GRIP1: variants seen among roughly 807,000 people sequenced by gnomAD.
GRIP1 encodes the protein glutamate receptor interacting protein 1, also known as glutamate receptor-interacting protein 1.
GRIP1 carries 45 observed loss-of-function variants against 129.9 expected under a neutral mutation model. The observed-to-expected ratio is 0.35, with a 90% CI of 0.27 to 0.44. GRIP1 has a LOEUF of 0.44. Among genes scored for constraint, GRIP1 ranks in the 20% least tolerant of loss-of-function variants. GRIP1 has a pLI of 1.00. For synonymous variants in GRIP1, 530 were observed against 520.8 expected, an observed-to-expected ratio of 1.02 and a Z score of -0.24; for missense variants, 1,196 against 1,396.8, an observed-to-expected ratio of 0.86 and a Z score of 2.29.
At chr12:66,833,037 C>T (rs2039546412) in intron 1 of GRIP1, among the ~76,000 whole-genome samples, 1 of 152,210 alleles carries the variant, frequency 6.6e-6, no homozygotes, top group Admixed American at 6.5e-5. Flanking sequence ...AACCTACCAA[C>T]TTAGGGCAGA....
chr12:66,682,007 GAGA>G (rs1212933159), upstream of GRIP1, among the ~76,000 whole-genome samples: 5 of 152,166 alleles, frequency 3.3e-5, no homozygotes, highest in African/African-American at 1.2e-4. Flanking sequence ...ACTGGTTTCA[GAGA>G]AGGTGTTTTT....
rs375997315 is a variant in GRIP1, at chr12:66,792,846, T to C, written c.-420+11207A>G. On this transcript the variant is annotated intron_variant, in intron 1 of 4. Transcript: ENST00000538373. Reference sequence around the variant, plus strand: ...CTCAAACTGGATAACATAAATTACATAACTTGACACTAAGAGTTCCCTGAC... The same window carrying C: ...CTCAAACTGGATAACATAAATTACACAACTTGACACTAAGAGTTCCCTGAC... 9.2e-5 allele frequency among the ~76,000 whole-genome samples: 14 copies of C among 152,238 alleles called. No homozygotes were observed. In the East Asian group the frequency reaches 1.4e-3, roughly 15 times the overall value.
chr12:66,432,414 G>A (rs2058175304), intron 14 of GRIP1, 134 bp downstream of exon 14: 1 of 623,158 alleles, frequency 1.6e-6, no homozygotes. Context: ...AGGTGTGACT[G>A]ACTCCACATT....
chr12:66,583,110 A>T (rs926157565), intron 2 of GRIP1, among the ~76,000 whole-genome samples: 3 of 151,882 alleles, frequency 2.0e-5, no homozygotes, highest in African/African-American at 7.2e-5. Flanking sequence ...CCGCATATCT[A>T]CAACCATCTG....
intron 1 of GRIP1, among the ~76,000 whole-genome samples, chr12:66,787,587 T>A (rs547299903): frequency 5.9e-5 from 9 of 152,240 alleles, no homozygotes; most frequent in Admixed American, 2.0e-4. Context: ...GCTTCATGGA[T>A]GGGATCAGTG....
chr12:66,587,393 G>T (rs1156354563), intron 2 of GRIP1, among the ~76,000 whole-genome samples: 1 of 152,246 alleles, frequency 6.6e-6, no homozygotes, highest in South Asian at 2.1e-4. Context: ...ATAACTTTCT[G>T]CTCCCACACT....
chr12:66,383,337 A>ACAACAT, intron 19 of GRIP1, among the ~76,000 whole-genome samples: 1 of 151,220 alleles, frequency 6.6e-6, no homozygotes, highest in Non-Finnish European at 1.5e-5. Context: ...AACAACAACA[A>ACAACAT]CAACAACAGA....
rs759848760 is a variant in GRIP1 at position 66,465,262 on chromosome 12, C to T, written c.872+13G>A. 6.2e-7 allele frequency: 1 copy of T among 1,612,416 alleles called. No individual in the cohort carries two copies. Among genetic ancestry groups the T allele is most frequent in the African/African-American group, 1.3e-5 (1 of 74,870 alleles). On this transcript the variant is annotated intron_variant, in intron 8 of 24. Coordinates refer to ENST00000359742, the MANE Select transcript of GRIP1 (RefSeq NM_001366722.1). ...CGCCTGGCGGAAAAGTAGGCACTTT[C>T]TACAATACTTACCTGTCTGCAATAC...
At chr12:66,922,046 A>G (rs2041222240) in intron 1 of GRIP1, among the ~76,000 whole-genome samples, 2 of 152,228 alleles carry the variant, frequency 1.3e-5, no homozygotes, top group African/African-American at 4.8e-5. Flanking sequence ...TTGTTTCAAA[A>G]GTGTTTATTT....
chr12:66,979,934 C>T (rs2042219960), intron 1 of GRIP1, among the ~76,000 whole-genome samples: 1 of 152,256 alleles, frequency 6.6e-6, no homozygotes, highest in Admixed American at 6.5e-5. Flanking sequence ...TGATTTTGGA[C>T]TTCTAACCTC....
chr12:66,752,430 G>C (rs2037157420), intron 1 of GRIP1, among the ~76,000 whole-genome samples: 1 of 152,120 alleles, frequency 6.6e-6, no homozygotes, highest in Non-Finnish European at 1.5e-5. Context: ...TTCTGATACA[G>C]AACTGAATAG....
intron 2 of GRIP1, among the ~76,000 whole-genome samples, chr12:66,586,969 C>A (rs1415284221): frequency 6.6e-6 from 1 of 152,134 alleles, no homozygotes; most frequent in Non-Finnish European, 1.5e-5. Flanking sequence ...GCTTCCTATA[C>A]TGCTCAGAAT....
At chr12:67,063,758 T>C (rs1213273251) in intron 1 of GRIP1, among the ~76,000 whole-genome samples, 1 of 152,234 alleles carries the variant, frequency 6.6e-6, no homozygotes, top group East Asian at 1.9e-4. Flanking sequence ...CTTTTACTAA[T>C]ATCAGTTGAA....
At chr12:66,828,970 C>CA (rs1269394037) in intron 1 of GRIP1, among the ~76,000 whole-genome samples, 1 of 152,182 alleles carries the variant, frequency 6.6e-6, no homozygotes, top group Non-Finnish European at 1.5e-5. Context: ...TTTATCATTT[C>CA]AGAGAGACTT....
At chr12:66,808,758 C>T (rs1232660564), upstream of GRIP1, among the ~76,000 whole-genome samples, 2 of 152,116 alleles carry the variant, frequency 1.3e-5, no homozygotes, top group Admixed American at 1.3e-4. Flanking sequence ...GGCTGCCTGC[C>T]ACCCATAAAT....
intron 1 of GRIP1, among the ~76,000 whole-genome samples, chr12:66,973,940 G>A (rs1204806083): frequency 5.4e-5 from 3 of 55,248 alleles, no homozygotes; most frequent in Non-Finnish European, 1.4e-4. Flanking sequence ...TTTTTTTTGA[G>A]TCAGAGTCTC....
upstream of GRIP1, among the ~76,000 whole-genome samples, chr12:66,807,590 C>A (rs1000077602): frequency 6.6e-6 from 1 of 151,954 alleles, no homozygotes; most frequent in South Asian, 2.1e-4. Flanking sequence ...AAGAGAATGG[C>A]GTGAACCTGG....
At chr12:66,978,633 G>A (rs867604638) in intron 1 of GRIP1, among the ~76,000 whole-genome samples, 7 of 152,112 alleles carry the variant, frequency 4.6e-5, no homozygotes, top group African/African-American at 1.7e-4. Flanking sequence ...CAGATTAGCT[G>A]TCTTCTTTTT....
chr12:67,046,822 CA>C (rs1161633449), intron 1 of GRIP1, among the ~76,000 whole-genome samples: 2 of 152,114 alleles, frequency 1.3e-5, no homozygotes, highest in Non-Finnish European at 2.9e-5. Context: ...AATAGTGCTT[CA>C]ATGGAAATTT....
Sources: gnomAD v4.1 joint callset for allele counts (sites outside exome capture counted in the v4.1 genomes callset) on GRCh38, gnomAD v4.1.1 for gene constraint, MANE v1.5 for transcripts, NCBI Gene and HGNC (gene_info 2026-07-23, HGNC 2026-07-21) for gene names.